VPS35L: variants seen among roughly 807,000 people sequenced by gnomAD.
The protein encoded by VPS35L is VPS35 endosomal protein sorting factor like, also known as VPS35 endosomal protein-sorting factor-like.
A neutral mutation model predicts 133.0 loss-of-function variants in VPS35L; 83 were observed. That is an observed-to-expected ratio of 0.62 (90% CI 0.52 to 0.75). VPS35L has a LOEUF of 0.75. VPS35L is among the 30% of genes least tolerant of loss of function. VPS35L has a pLI of 0.00. For synonymous variants in VPS35L, 423 were observed against 449.9 expected, an observed-to-expected ratio of 0.94 and a Z score of 0.76; for missense variants, 1,083 against 1,206.8, an observed-to-expected ratio of 0.90 and a Z score of 1.52.
In VPS35L at chr16:19,690,385, C is replaced by T. The variant is rs73541407; in HGVS notation, c.2528-968C>T. ...AGACTCAGGCTGTCCTTGGCTGGGC[C>T]TGTCTTACTCTAGGCAGTGGTTGTC... On this transcript the variant is annotated intron_variant, in intron 28 of 30. Transcript: ENST00000417362. Among the ~76,000 whole-genome samples, 1,233 of 152,250 alleles carry T rather than the reference C, an allele frequency of 8.1e-3. 12 individuals carry two copies. Among genetic ancestry groups the T allele is most frequent in the African/African-American group, 0.028 (1,165 of 41,534 alleles).
chr16:19,682,535 G>C, intron 28 of VPS35L, 145 bp downstream of exon 28: 1 of 944,714 alleles, frequency 1.1e-6, no homozygotes, highest in Non-Finnish European at 1.5e-6. Flanking sequence ...GTATTTACCT[G>C]ATCTAAGATT....
intron 8 of VPS35L, 147 bp downstream of exon 8, chr16:19,592,021 C>A: frequency 1.7e-6 from 1 of 588,402 alleles, no homozygotes. Flanking sequence ...CCCCCCACGC[C>A]CATTAATAAG....
chr16:19,570,833 TCATATATATATATATA>T (rs1971339346), intron 3 of VPS35L, among the ~76,000 whole-genome samples: 1 of 76,110 alleles, frequency 1.3e-5, no homozygotes. Context: ...ATGCTGTGTT[TCATATATATATATATA>T]TATATATATA....
chr16:19,580,675 G>T (rs1282774207), intron 6 of VPS35L, among the ~76,000 whole-genome samples: 2 of 151,994 alleles, frequency 1.3e-5, no homozygotes, highest in African/African-American at 4.8e-5. Context: ...TTGTCTTTCT[G>T]TCCTGATTAC....
chr16:19,613,988 G>C (rs544034225), intron 12 of VPS35L, among the ~76,000 whole-genome samples: 1 of 152,246 alleles, frequency 6.6e-6, no homozygotes, highest in South Asian at 2.1e-4. Context: ...CATTTGGCCC[G>C]ATGAGAAGAG....
intron 5 of VPS35L, among the ~76,000 whole-genome samples, chr16:19,577,639 C>T (rs1196411946): frequency 6.6e-6 from 1 of 152,176 alleles, no homozygotes; most frequent in African/African-American, 2.4e-5. Flanking sequence ...ACCCCACTCC[C>T]CTGCCCCGAT....
At chr16:19,662,620 C>T (rs573781156) in intron 26 of VPS35L, among the ~76,000 whole-genome samples, 8 of 152,234 alleles carry the variant, frequency 5.3e-5, no homozygotes, top group African/African-American at 7.2e-5. Context: ...GATCAAAGGT[C>T]GGTCTTAGGA....
chr16:19,587,952 A>G (rs544439333), intron 7 of VPS35L, among the ~76,000 whole-genome samples: 4 of 151,874 alleles, frequency 2.6e-5, no homozygotes, highest in Admixed American at 2.0e-4. Context: ...GGTGTGCACC[A>G]CCACACCTAG....
intron 8 of VPS35L, among the ~76,000 whole-genome samples, chr16:19,597,891 G>A (rs993605922): frequency 6.6e-6 from 1 of 152,216 alleles, no homozygotes; most frequent in East Asian, 1.9e-4. Context: ...TCTAAAAGAA[G>A]ATGCATGACA....
chr16:19,624,716 G>A (rs1973206331), intron 14 of VPS35L, among the ~76,000 whole-genome samples: 1 of 152,148 alleles, frequency 6.6e-6, no homozygotes, highest in Non-Finnish European at 1.5e-5. Flanking sequence ...AAAGTGCTGG[G>A]ATTACAGGCA....
At chr16:19,669,470 G>C (rs1345985161) in intron 27 of VPS35L, among the ~76,000 whole-genome samples, 171 bp downstream of exon 27, 2 of 151,984 alleles carry the variant, frequency 1.3e-5, no homozygotes, top group Admixed American at 1.3e-4. Flanking sequence ...GCTGGGTGGG[G>C]ATCATACTAT....
At chr16:19,622,596 G>A (rs906900772) in intron 14 of VPS35L, among the ~76,000 whole-genome samples, 17 of 152,074 alleles carry the variant, frequency 1.1e-4, no homozygotes, top group Non-Finnish European at 1.6e-4. Flanking sequence ...GTGGATCCAC[G>A]CAGCTCAAAA....
chr16:19,591,714 A>C (rs1397764358), intron 7 of VPS35L, 76 bp from the exon 8 acceptor site: 3 of 1,121,532 alleles, frequency 2.7e-6, no homozygotes, highest in Non-Finnish European at 4.0e-6. Flanking sequence ...AGAAACCATT[A>C]ATTTTTCAGA....
At chr16:19,653,698 G>A (rs1158659796) in intron 26 of VPS35L, among the ~76,000 whole-genome samples, 1 of 152,222 alleles carries the variant, frequency 6.6e-6, no homozygotes, top group East Asian at 1.9e-4. Flanking sequence ...TGCCAAGGCT[G>A]GCGCCTCACC....
intron 26 of VPS35L, 48 bp from the exon 27 acceptor site, chr16:19,669,111 TA>T: frequency 6.5e-7 from 1 of 1,543,920 alleles, no homozygotes; most frequent in Non-Finnish European, 8.8e-7. Flanking sequence ...GAAAGCCAAC[TA>T]AATTTCCCAG....
intron 6 of VPS35L, among the ~76,000 whole-genome samples, chr16:19,581,246 C>G (rs1480036142): frequency 1.3e-5 from 2 of 152,014 alleles, no homozygotes; most frequent in East Asian, 3.9e-4. Flanking sequence ...AATAGCTTAC[C>G]CAGGGTCACA....
chr16:19,578,738 G>A (rs1045965978), intron 5 of VPS35L: 1 of 362,052 alleles, frequency 2.8e-6, no homozygotes, highest in Non-Finnish European at 5.2e-6. Flanking sequence ...CGGATTTTTG[G>A]CATCCTTATC....
In VPS35L at chr16:19,689,040, C is replaced by CT. The variant is rs766276644; in HGVS notation, c.2528-2296dup. Among the ~76,000 whole-genome samples, 1,267 of 134,636 alleles carry CT rather than the reference C, an allele frequency of 9.4e-3. 20 individuals are homozygous for CT. The highest frequency in any genetic ancestry group is 0.026 in the African/African-American group (930 of 36,388). 88.3% of individuals were successfully genotyped at this position (134,636 alleles called of 152,430 possible). The stretch of plus-strand genomic sequence containing the variant: ...AGCGCCCCCTTACCCGGTGTCTCTT[C>CT]TTTTTTTTTTTTTTTTTGAGATGGA... On this transcript the variant is annotated intron_variant, in intron 28 of 30. Transcript: ENST00000417362.
At chr16:19,607,548 C>G (rs532698912) in intron 9 of VPS35L, among the ~76,000 whole-genome samples, 9 of 152,198 alleles carry the variant, frequency 5.9e-5, no homozygotes, top group Non-Finnish European at 1.0e-4. Flanking sequence ...AGTAAACTGG[C>G]AGTTTCACAA....
Sources: gnomAD v4.1 joint callset for allele counts (sites outside exome capture counted in the v4.1 genomes callset) on GRCh38, gnomAD v4.1.1 for gene constraint, MANE v1.5 for transcripts, NCBI Gene and HGNC (gene_info 2026-07-23, HGNC 2026-07-21) for gene names.